Variants in BEND5 observed in about 807,000 individuals in gnomAD.
BEND5 encodes BEN domain containing 5.
In BEND5, 22 loss-of-function variants were observed where a neutral mutation model predicts 43.9. That is an observed-to-expected ratio of 0.50 (90% CI 0.36 to 0.72). The LOEUF (loss-of-function observed/expected upper bound fraction) is 0.72, where lower values mean the gene tolerates loss of function less well. BEND5 is among the 30% of genes least tolerant of loss of function. The probability of loss-of-function intolerance (pLI) is 0.00; values close to 1 mark genes in which losing one functional copy is unlikely to be tolerated. For missense variants in BEND5, 428 were observed against 550.6 expected (o/e 0.78, Z 2.23); for synonymous variants, 228 against 225.9 (o/e 1.01, Z -0.08).
Position 48,776,770 on chromosome 1 carries a change from A to C in BEND5, c.62T>G (p.Val21Gly). 1 of 1,524,966 alleles carries C rather than the reference A, an allele frequency of 6.6e-7. No individual in the cohort carries two copies. The allele number at this position is 1,524,966 out of a possible 1,614,324, so 94.5% of individuals were successfully genotyped here. ...CCGCGAGCGGGGGCTGAAGTCGCGC[A>C]CGCACGACACGGGCAGCGCGTAGCA... The part of the protein sequence containing the change: ...NVCYALPVSC[V>G]RDFSPRSRLD... The change falls in exon 1 of 6, where the codon GTG (valine) becomes GGG (glycine). Residue 21 changes from valine (V) to glycine (G), a missense_variant. Val to Gly is a moderately radical substitution (Grantham distance 109). Coordinates refer to ENST00000371833, the MANE Select transcript of BEND5 (RefSeq NM_024603.4).
Position 48,736,112 on chromosome 1 carries a change from C to T in BEND5, c.1108+127G>A, listed in dbSNP as rs936675368. On this transcript the variant is annotated intron_variant, in intron 5 of 5. Coordinates refer to ENST00000371833, the MANE Select transcript of BEND5 (RefSeq NM_024603.4). This position sits in a 1 kb window ranked among gnomAD's most constrained non-coding sequence, Gnocchi z 4.0. ...ATTTGGGTTATCCGCTTGGTGTCCC[C>T]GGGCTCAGCCCAGGGTCTGGCATGC... 1.9e-5 allele frequency: 20 copies of T among 1,068,482 alleles called. No homozygotes were observed. Among genetic ancestry groups the T allele is most frequent in the Middle Eastern group, 2.5e-4 (1 of 4,014 alleles). The allele number at this position is 1,068,482 out of a possible 1,614,324, so 66.2% of individuals were successfully genotyped here. A position where few individuals can be genotyped will look rare whatever the true frequency, so the allele number is the denominator to read the frequency against.
intron 2 of BEND5, 41 bp downstream of exon 2, chr1:48,761,296 A>T: frequency 6.6e-7 from 1 of 1,519,212 alleles, no homozygotes; most frequent in Non-Finnish European, 8.8e-7. Context: ...ATATCTGAAA[A>T]TGCTCCAGCA....
rs534962270 is a variant in BEND5, at chr1:48,760,993, C to T, written c.360+344G>A. 7.0e-5 allele frequency: 13 copies of T among 185,432 alleles called. No individual in the cohort carries two copies. The East Asian group carries it at 1.7e-3, about 24-fold the overall frequency. 11.5% of individuals were successfully genotyped at this position (185,432 alleles called of 1,614,324 possible). On this transcript the variant is annotated intron_variant, in intron 2 of 5. Coordinates refer to ENST00000371833, the MANE Select transcript of BEND5 (RefSeq NM_024603.4). The stretch of plus-strand genomic sequence containing the variant: ...ACAGTGACTGGCCCTAAACTTCTCC[C>T]CAAGAACATCTGTTTAACGTTCTTG...
At chr1:48,732,652 C>A (rs1272528551) in intron 5 of BEND5, among the ~76,000 whole-genome samples, 1 of 152,032 alleles carries the variant, frequency 6.6e-6, no homozygotes, top group African/African-American at 2.4e-5. Flanking sequence ...TGGAAGAAGG[C>A]CTCCAGGGCT....
intron 1 of BEND5, among the ~76,000 whole-genome samples, chr1:48,767,929 A>G (rs1644610981): frequency 1.3e-5 from 2 of 152,292 alleles, no homozygotes; most frequent in South Asian, 2.1e-4. Flanking sequence ...AGCACCTACT[A>G]TGTGCCAGGC....
chr1:48,744,020 A>T (rs937743196), intron 3 of BEND5, among the ~76,000 whole-genome samples: 4 of 152,222 alleles, frequency 2.6e-5, no homozygotes, highest in Non-Finnish European at 5.9e-5. Flanking sequence ...CAAATAAAAG[A>T]GCTCAACTCA....
intron 3 of BEND5, among the ~76,000 whole-genome samples, chr1:48,755,166 G>A (rs1167937431): frequency 6.6e-6 from 1 of 152,104 alleles, no homozygotes; most frequent in East Asian, 1.9e-4. Flanking sequence ...CCACCTTTCT[G>A]ACCCCAACCT....
Position 48,727,967 on chromosome 1 carries a change from C to T in BEND5, c.1185G>A (p.Lys395=), listed in dbSNP as rs1290749772. 5 of 1,611,966 alleles carry T rather than the reference C, an allele frequency of 3.1e-6. No individual in the cohort carries two copies. The highest frequency in any genetic ancestry group is 1.1e-5 in the South Asian group (1 of 90,874). The part of the protein sequence containing the change: ...EIAQRLSKVN[K]YICEKIMDIN... Reference sequence around the variant, plus strand: ...TATCCATGATTTTTTCACAGATGTACTTGTTGACTTTGGAGAGTCTCTGTG... The same window carrying T: ...TATCCATGATTTTTTCACAGATGTATTTGTTGACTTTGGAGAGTCTCTGTG... The change falls in exon 6 of 6, where the codon AAG becomes AAA. Residue 395 remains lysine (K), a synonymous_variant. Coordinates refer to ENST00000371833, the MANE Select transcript of BEND5 (RefSeq NM_024603.4).
chr1:48,775,650 G>C (rs1477298903), intron 1 of BEND5, among the ~76,000 whole-genome samples: 1 of 152,180 alleles, frequency 6.6e-6, no homozygotes, highest in Non-Finnish European at 1.5e-5. Context: ...CTGGGAAAGA[G>C]GGCCAGCTGT....
Position 48,727,977 on chromosome 1 carries a change from T to C in BEND5, c.1175A>G (p.Lys392Arg). 6.2e-7 allele frequency: 1 copy of C among 1,612,428 alleles called. No homozygotes were observed. The highest frequency in any genetic ancestry group is 8.5e-7 in the Non-Finnish European group (1 of 1,178,770). The change falls in exon 6 of 6, where the codon AAA becomes AGA. Residue 392 changes from lysine (K) to arginine (R), a missense_variant. Physicochemically the swap from Lys to Arg is conservative, Grantham distance 26. Around this residue, in one of 4 missense-constraint regions of BEND5, gnomAD observed 75 missense variants for 148.5 expected, o/e 0.50. Transcript: ENST00000371833. Reference protein sequence around the residue: ...DETEIAQRLSKVNKYICEKIM... With the variant: ...DETEIAQRLSRVNKYICEKIM... ...TTTTTCACAGATGTACTTGTTGACTTTGGAGAGTCTCTGTGCAATTTCAGT... is the reference window on the plus strand; with the variant it reads ...TTTTTCACAGATGTACTTGTTGACTCTGGAGAGTCTCTGTGCAATTTCAGT...
At chr1:48,740,457 T>G (rs764682258) in intron 4 of BEND5, among the ~76,000 whole-genome samples, 13 of 152,206 alleles carry the variant, frequency 8.5e-5, no homozygotes, top group Non-Finnish European at 1.5e-4. Context: ...AGCTTTATGA[T>G]TCAATGAGTT....
chr1:48,752,056 A>G (rs1291881952), intron 3 of BEND5, among the ~76,000 whole-genome samples: 2 of 152,190 alleles, frequency 1.3e-5, no homozygotes, highest in Non-Finnish European at 2.9e-5. Flanking sequence ...ATTAAGCAGG[A>G]TACAACAGTT....
chr1:48,769,525 A>AC, intron 1 of BEND5, among the ~76,000 whole-genome samples: 1 of 119,728 alleles, frequency 8.4e-6, no homozygotes, highest in Non-Finnish European at 1.7e-5. Context: ...GGAGGATTTA[A>AC]AACACACACA....
intron 1 of BEND5, among the ~76,000 whole-genome samples, chr1:48,772,583 G>T (rs1039039272): frequency 3.9e-5 from 6 of 152,162 alleles, no homozygotes; most frequent in African/African-American, 1.4e-4. Flanking sequence ...GATAGAGCTG[G>T]TCTAAGGAGG....
rs145427098 is a variant in BEND5 at position 48,732,410 on chromosome 1, T to C, written c.1108+3829A>G. 1.4e-3 allele frequency among the ~76,000 whole-genome samples: 218 copies of C among 152,302 alleles called. 1 individual carries two copies. Among genetic ancestry groups the C allele is most frequent in the African/African-American group, 5.0e-3 (207 of 41,564 alleles). On this transcript the variant is annotated intron_variant, in intron 5 of 5. Transcript: ENST00000371833. ...TATTTATTGAGCACTTACTATAGGC[T>C]AGCCCTGAACAAGATGCTCATAAAG...
intron 3 of BEND5, among the ~76,000 whole-genome samples, chr1:48,753,201 C>T (rs1652027691): frequency 6.6e-6 from 1 of 152,218 alleles, no homozygotes; most frequent in Non-Finnish European, 1.5e-5. Context: ...TATTTCTGAC[C>T]TCAGAGCCCA....
At chr1:48,729,670 C>G (rs1263662100) in intron 5 of BEND5, among the ~76,000 whole-genome samples, 1 of 152,042 alleles carries the variant, frequency 6.6e-6, no homozygotes, top group Non-Finnish European at 1.5e-5. Flanking sequence ...ATGCTGAGCC[C>G]TTCCCTGGGC....
intron 1 of BEND5, among the ~76,000 whole-genome samples, chr1:48,770,060 C>T (rs1003904535): frequency 3.3e-5 from 5 of 152,172 alleles, no homozygotes; most frequent in African/African-American, 1.2e-4. Flanking sequence ...CAGCACCATG[C>T]TAGAAGCCCT....
chr1:48,769,166 C>T (rs1644679592), intron 1 of BEND5, among the ~76,000 whole-genome samples: 1 of 152,186 alleles, frequency 6.6e-6, no homozygotes, highest in South Asian at 2.1e-4. Context: ...AGGTCTCTTT[C>T]TCAGCTGTGT....
Sources: gnomAD v4.1 joint callset for allele counts (sites outside exome capture counted in the v4.1 genomes callset) on GRCh38, gnomAD v4.1.1 for gene constraint, gnomAD v4.1.1 regional missense constraint, Gnocchi (gnomAD v3.1) non-coding constraint, MANE v1.5 for transcripts, NCBI Gene and HGNC (gene_info 2026-07-23, HGNC 2026-07-21) for gene names.